The following PDE4D variants were observed in gnomAD, a reference collection of about 807,000 sequenced individuals.
The protein encoded by PDE4D is 3',5'-cyclic-AMP phosphodiesterase 4D.
In PDE4D, 24 loss-of-function variants were observed where a neutral mutation model predicts 87.4. That is an observed-to-expected ratio of 0.27 (90% CI 0.20 to 0.39). The LOEUF is 0.39. PDE4D is among the 10% of genes least tolerant of loss of function. The pLI, the probability that PDE4D is intolerant of heterozygous loss-of-function variation, is 1.00. For synonymous variants in PDE4D, 384 were observed against 383.2 expected, an observed-to-expected ratio of 1.00 and a Z score of -0.02; for missense variants, 714 against 1,041.0, an observed-to-expected ratio of 0.69 and a Z score of 4.32.
rs546306113 is a variant in PDE4D, at chr5:59,427,611, G to T, written c.456-211643C>A. Among the ~76,000 whole-genome samples the T allele has an allele frequency of 5.9e-5, 9 of 152,092 alleles. No individual in the cohort carries two copies. In the East Asian group the frequency reaches 1.7e-3, roughly 29 times the overall value. On this transcript the variant is annotated intron_variant, in intron 1 of 14. Coordinates refer to ENST00000340635, the MANE Select transcript of PDE4D (RefSeq NM_001104631.2). ...CACTTTGGGAGGCCAAGGCAGGAGG[G>T]TCATTTGAGGCCAACTGTTTGAGAA...
chr5:59,723,793 C>A (rs796311078), intron 1 of PDE4D, among the ~76,000 whole-genome samples: 10 of 152,236 alleles, frequency 6.6e-5, no homozygotes, highest in African/African-American at 2.4e-4. Context: ...TTTGACATGA[C>A]AGCTGGGTTT....
chr5:59,688,308 T>C (rs1051788338), intron 1 of PDE4D, among the ~76,000 whole-genome samples: 3 of 152,060 alleles, frequency 2.0e-5, no homozygotes, highest in Non-Finnish European at 2.9e-5. Flanking sequence ...AAATTGACCA[T>C]ATAGTTGGAA....
At chr5:59,406,990 G>T (rs1791786445) in intron 1 of PDE4D, among the ~76,000 whole-genome samples, 1 of 152,112 alleles carries the variant, frequency 6.6e-6, no homozygotes, top group Non-Finnish European at 1.5e-5. Flanking sequence ...ATTCAACAGG[G>T]AGACACTAAA....
At chr5:59,333,799 T>G (rs1225258171) in intron 1 of PDE4D, among the ~76,000 whole-genome samples, 2 of 146,938 alleles carry the variant, frequency 1.4e-5, no homozygotes, top group African/African-American at 5.5e-5. Flanking sequence ...CTGCTAAGAT[T>G]ATTTCTGGTG....
chr5:59,174,912 C>T (rs1407256398), intron 5 of PDE4D, among the ~76,000 whole-genome samples: 2 of 152,006 alleles, frequency 1.3e-5, no homozygotes, highest in African/African-American at 4.8e-5. Context: ...GAGTTGTGTC[C>T]TTGCATGAAA....
At chr5:60,055,354 T>C (rs1770661562) in intron 2 of PDE4D, among the ~76,000 whole-genome samples, 1 of 152,076 alleles carries the variant, frequency 6.6e-6, no homozygotes, top group Non-Finnish European at 1.5e-5. Flanking sequence ...GTGGGGTCAA[T>C]GTCTCTTAGG....
At chr5:59,538,704 CTT>C (rs1464161871) in intron 1 of PDE4D, among the ~76,000 whole-genome samples, 1 of 152,198 alleles carries the variant, frequency 6.6e-6, no homozygotes. Context: ...ACCTCAAAGA[CTT>C]TCCCTTTTGT....
intron 1 of PDE4D, among the ~76,000 whole-genome samples, chr5:59,733,428 T>C (rs1185655919): frequency 6.6e-6 from 1 of 152,066 alleles, no homozygotes; most frequent in African/African-American, 2.4e-5. Context: ...ATGGATGAGA[T>C]GTAGTATAAT....
At chr5:60,179,190 T>C (rs1373381569) in intron 2 of PDE4D, among the ~76,000 whole-genome samples, 1 of 152,112 alleles carries the variant, frequency 6.6e-6, no homozygotes, top group Non-Finnish European at 1.5e-5. Context: ...GTATGACATA[T>C]CCTGGGTAAT....
intron 1 of PDE4D, among the ~76,000 whole-genome samples, chr5:59,799,424 A>G (rs1328965928): frequency 6.6e-6 from 1 of 152,252 alleles, no homozygotes; most frequent in African/African-American, 2.4e-5. Flanking sequence ...CTTAATGAAT[A>G]AAATAACAGA....
intron 1 of PDE4D, among the ~76,000 whole-genome samples, chr5:59,714,541 TG>T (rs991919493): frequency 5.9e-5 from 9 of 152,196 alleles, no homozygotes; most frequent in African/African-American, 2.2e-4. Flanking sequence ...TGGGGGTGGA[TG>T]TTTTACATGG....
chr5:59,762,854 GATATATATATATATATATATATATAT>G (rs35979900), intron 1 of PDE4D, among the ~76,000 whole-genome samples: 3,639 of 51,734 alleles, frequency 0.07, 194 homozygotes, highest in South Asian at 0.17. Flanking sequence ...ACTGCTTAAG[GATATATATATATATATATATATATAT>G]ATATATATAT....
intron 1 of PDE4D, among the ~76,000 whole-genome samples, chr5:59,456,444 T>C (rs1005652984): frequency 6.6e-6 from 1 of 152,170 alleles, no homozygotes; most frequent in African/African-American, 2.4e-5. Flanking sequence ...TTCCTAGCCA[T>C]GTGGAGCTGA....
chr5:59,376,575 G>C (rs1784771847), intron 1 of PDE4D, among the ~76,000 whole-genome samples: 1 of 152,178 alleles, frequency 6.6e-6, no homozygotes, highest in Non-Finnish European at 1.5e-5. Flanking sequence ...ATCATGGACA[G>C]AAAGAATCCA....
chr5:60,226,454 C>A (rs981414495), intron 1 of PDE4D, among the ~76,000 whole-genome samples: 11 of 152,074 alleles, frequency 7.2e-5, no homozygotes, highest in Admixed American at 5.2e-4. Flanking sequence ...TTGGAATGAA[C>A]CTTCACAAAA....
intron 5 of PDE4D, among the ~76,000 whole-genome samples, chr5:59,149,800 T>C (rs1378156614): frequency 7.0e-6 from 1 of 143,464 alleles, no homozygotes; most frequent in East Asian, 2.1e-4. Context: ...CAAGAAGAGG[T>C]TCCTATCACT....
chr5:60,222,306 A>G (rs1204404460), intron 1 of PDE4D, among the ~76,000 whole-genome samples: 1 of 152,092 alleles, frequency 6.6e-6, no homozygotes, highest in East Asian at 1.9e-4. Context: ...TTGGAAGCAG[A>G]GCCTCCAGCC....
rs999148926 is a variant in PDE4D at position 60,248,967 on chromosome 5, G to A, written c.-89-63280C>T. 1.3e-4 allele frequency among the ~76,000 whole-genome samples: 20 copies of A among 151,988 alleles called. No individual in the cohort carries two copies. In the South Asian group the frequency reaches 1.5e-3, roughly 11 times the overall value. On this transcript the variant is annotated intron_variant, in intron 1 of 16. Coordinates refer to the PDE4D transcript ENST00000502484. Reference sequence around the variant, plus strand: ...TGCGCAAAGAGCACCATCAAAAATTGAGCATGTGGCTCCAAGAGCCACCAC... The same window carrying A: ...TGCGCAAAGAGCACCATCAAAAATTAAGCATGTGGCTCCAAGAGCCACCAC...
At chr5:59,974,754 C>A (rs1761131557) in intron 3 of PDE4D, among the ~76,000 whole-genome samples, 2 of 152,178 alleles carry the variant, frequency 1.3e-5, no homozygotes, top group African/African-American at 4.8e-5. Context: ...TCTTCCTCTC[C>A]CTGTGTTCTT....
Sources: gnomAD v4.1 joint callset for allele counts (sites outside exome capture counted in the v4.1 genomes callset) on GRCh38, gnomAD v4.1.1 for gene constraint, MANE v1.5 for transcripts, NCBI Gene and HGNC (gene_info 2026-07-23, HGNC 2026-07-21) for gene names.